The following SEMA6D variants were observed in gnomAD, a reference collection of about 807,000 sequenced individuals.
SEMA6D encodes semaphorin 6D.
In SEMA6D, 35 loss-of-function variants were observed where a neutral mutation model predicts 106.6. The observed-to-expected ratio is 0.33, with a 90% CI of 0.25 to 0.44. SEMA6D has a LOEUF of 0.44. Ranked by LOEUF, SEMA6D falls within the 20% of genes least tolerant of loss-of-function variation. SEMA6D has a pLI of 1.00. For synonymous variants in SEMA6D, 499 were observed against 487.7 expected, an observed-to-expected ratio of 1.02 and a Z score of -0.31; for missense variants, 1,185 against 1,345.9, an observed-to-expected ratio of 0.88 and a Z score of 1.87.
chr15:47,393,921 T>C (rs1474774298), intron 1 of SEMA6D, among the ~76,000 whole-genome samples: 1 of 152,228 alleles, frequency 6.6e-6, no homozygotes. Context: ...GGAGAAGGTA[T>C]AATTAATGCT....
chr15:47,715,607 C>G (rs78118014), upstream of SEMA6D, among the ~76,000 whole-genome samples: 2 of 152,152 alleles, frequency 1.3e-5, no homozygotes, highest in Admixed American at 6.5e-5. Flanking sequence ...ACTGAAAACA[C>G]GGCTAATCCA....
At chr15:47,568,780 A>G (rs896737237) in intron 3 of SEMA6D, among the ~76,000 whole-genome samples, 1 of 152,196 alleles carries the variant, frequency 6.6e-6, no homozygotes, top group African/African-American at 2.4e-5. Flanking sequence ...CTTAAGAATT[A>G]GTGTATCTAT....
At chr15:47,240,123 T>C (rs986176987) in intron 1 of SEMA6D, among the ~76,000 whole-genome samples, 2 of 152,180 alleles carry the variant, frequency 1.3e-5, no homozygotes, top group African/African-American at 4.8e-5. Context: ...ACAAGTGGTC[T>C]TACCATTCCC....
intron 1 of SEMA6D, among the ~76,000 whole-genome samples, chr15:47,367,242 TC>T (rs956649000): frequency 1.3e-5 from 2 of 151,906 alleles, no homozygotes; most frequent in African/African-American, 2.4e-5. Context: ...CTGTCCTCCT[TC>T]CCCCCCTTCT....
At position 47,687,241 on chromosome 15, in the gene SEMA6D, G is replaced by C. The variant is rs1465629273; in HGVS notation, c.-54-72504G>C. 4.6e-5 allele frequency among the ~76,000 whole-genome samples: 7 copies of C among 152,204 alleles called. No homozygotes were observed. In the East Asian group the frequency reaches 1.4e-3, roughly 29 times the overall value. On this transcript the variant is annotated intron_variant, in intron 4 of 19. Coordinates refer to the SEMA6D transcript ENST00000558014. ...GAGCCTCTGTGATATGCCTGCCACT[G>C]TACCAGGCACTATGGATACAGTGGT...
At position 47,771,975 on chromosome 15, in the gene SEMA6D, T is replaced by G; in HGVS notation, c.*190T>G. The G allele has an allele frequency of 1.7e-6, 1 of 600,582 alleles. No homozygotes were observed. The highest frequency in any genetic ancestry group is 2.9e-6 in the Non-Finnish European group (1 of 345,008). The allele number at this position is 600,582 out of a possible 1,614,324, so 37.2% of individuals were successfully genotyped here. ...CTACTGCAGCAAGGCTTCTGTGTAC[T>G]TGCCTGAAAACAAAGGAAGGTGCTG... On this transcript the variant is annotated 3_prime_UTR_variant, in exon 19 of 19. Coordinates refer to ENST00000536845, the MANE Select transcript of SEMA6D (RefSeq NM_001358351.3).
chr15:47,247,651 G>A (rs62014021), intron 1 of SEMA6D, among the ~76,000 whole-genome samples: 2,609 of 152,192 alleles, frequency 0.017, 48 homozygotes, highest in African/African-American at 0.021. Flanking sequence ...ATAAATCCAT[G>A]AATACTGGCT....
chr15:47,573,212 A>G (rs1303342680), intron 3 of SEMA6D, among the ~76,000 whole-genome samples: 1 of 152,196 alleles, frequency 6.6e-6, no homozygotes, highest in Non-Finnish European at 1.5e-5. Context: ...TAACAAAAAA[A>G]TCAACAGCTG....
At chr15:47,504,942 G>A (rs889147757) in intron 3 of SEMA6D, among the ~76,000 whole-genome samples, 5 of 152,266 alleles carry the variant, frequency 3.3e-5, no homozygotes, top group African/African-American at 1.2e-4. Flanking sequence ...GGCATGGAGA[G>A]TAAAGGCTTG....
At chr15:47,373,887 A>C (rs888359886) in intron 1 of SEMA6D, among the ~76,000 whole-genome samples, 1 of 152,194 alleles carries the variant, frequency 6.6e-6, no homozygotes, top group Non-Finnish European at 1.5e-5. Flanking sequence ...GGATAAAGGC[A>C]AGTAATTGGT....
intron 3 of SEMA6D, among the ~76,000 whole-genome samples, chr15:47,480,024 A>ATTTT (rs11419122): frequency 2.1e-5 from 3 of 142,162 alleles, no homozygotes; most frequent in African/African-American, 7.8e-5. Flanking sequence ...CACCTGATTA[A>ATTTT]TTTTTTTTTT....
intron 1 of SEMA6D, among the ~76,000 whole-genome samples, chr15:47,342,583 T>A (rs941785686): frequency 1.3e-5 from 2 of 152,244 alleles, no homozygotes; most frequent in Non-Finnish European, 2.9e-5. Context: ...CATAGTATTC[T>A]GAACATAGTT....
At chr15:47,348,727 C>CAGAGAGAGAGAGAGAGAG (rs55719976) in intron 1 of SEMA6D, among the ~76,000 whole-genome samples, 1,058 of 56,924 alleles carry the variant, frequency 0.019, 105 homozygotes, top group Admixed American at 0.034. Flanking sequence ...ACCACACACA[C>CAGAGAGAGAGAGAGAGAG]AGAGAGAGAG....
intron 2 of SEMA6D, among the ~76,000 whole-genome samples, chr15:47,435,290 A>T (rs2140639232): frequency 1.3e-5 from 2 of 152,202 alleles, no homozygotes; most frequent in Middle Eastern, 3.4e-3. Flanking sequence ...TGGTTTGTGA[A>T]TCATCAATCC....
chr15:47,432,831 ATGT>A (rs1221356131), intron 2 of SEMA6D, among the ~76,000 whole-genome samples: 9 of 152,142 alleles, frequency 5.9e-5, no homozygotes, highest in African/African-American at 1.7e-4. Context: ...GATTAAATGT[ATGT>A]CATTTTTGCT....
At chr15:47,445,670 A>G (rs1427856369) in intron 2 of SEMA6D, among the ~76,000 whole-genome samples, 3 of 151,866 alleles carry the variant, frequency 2.0e-5, no homozygotes, top group African/African-American at 2.4e-5. Flanking sequence ...CCTTTTATCA[A>G]ATGTTTAGAT....
chr15:47,731,921 T>C (rs965995779), intron 1 of SEMA6D, among the ~76,000 whole-genome samples: 13 of 152,280 alleles, frequency 8.5e-5, no homozygotes, highest in Non-Finnish European at 1.9e-4. Context: ...AGATTTTAAA[T>C]GATAGCCTTC....
intron 4 of SEMA6D, chr15:47,604,052 T>C (rs1018938780): frequency 3.9e-5 from 6 of 152,202 alleles, no homozygotes; most frequent in African/African-American, 1.4e-4. Flanking sequence ...TTAACGAGCA[T>C]AGAAAGGGCC....
chr15:47,717,116 C>G (rs772031621), upstream of SEMA6D: 1 of 152,224 alleles, frequency 6.6e-6, no homozygotes, highest in African/African-American at 2.4e-5. Flanking sequence ...GGGAGGGAAT[C>G]GAAAAGGTTG....
Sources: gnomAD v4.1 joint callset for allele counts (sites outside exome capture counted in the v4.1 genomes callset) on GRCh38, gnomAD v4.1.1 for gene constraint, MANE v1.5 for transcripts, NCBI Gene and HGNC (gene_info 2026-07-23, HGNC 2026-07-21) for gene names.